PTPRT: variants seen among roughly 807,000 people sequenced by gnomAD.
PTPRT encodes protein tyrosine phosphatase receptor type T.
PTPRT carries 56 observed loss-of-function variants against 176.8 expected under a neutral mutation model. The observed-to-expected ratio is 0.32, with a 90% CI of 0.26 to 0.40. PTPRT has a LOEUF of 0.40. Ranked by LOEUF, PTPRT falls within the 10% of genes least tolerant of loss-of-function variation. PTPRT has a pLI of 1.00. For synonymous variants in PTPRT, 783 were observed against 739.0 expected, an observed-to-expected ratio of 1.06 and a Z score of -0.96; for missense variants, 1,540 against 1,908.2, an observed-to-expected ratio of 0.81 and a Z score of 3.60.
intron 1 of PTPRT, among the ~76,000 whole-genome samples, chr20:43,036,388 T>G (rs1406293326): frequency 1.3e-5 from 2 of 152,150 alleles, no homozygotes; most frequent in Admixed American, 1.3e-4. Context: ...TGCACCACTA[T>G]GCCCAGCTTT....
rs115785455 is a variant in PTPRT, at chr20:42,553,452, C to T, written c.1154-80890G>A. 7.4e-3 allele frequency among the ~76,000 whole-genome samples: 1,124 copies of T among 152,106 alleles called. 20 individuals carry two copies. Among genetic ancestry groups the T allele is most frequent in the African/African-American group, 0.026 (1,083 of 41,512 alleles). On this transcript the variant is annotated intron_variant, in intron 7 of 30. Coordinates refer to ENST00000373187, the MANE Select transcript of PTPRT (RefSeq NM_007050.6). ...TCTCTAAGCCATTTTTGCTTTTCCTCTCATGCATGCTGTCTTCCTTTCTCC... is the reference window on the plus strand; with the variant it reads ...TCTCTAAGCCATTTTTGCTTTTCCTTTCATGCATGCTGTCTTCCTTTCTCC...
intron 2 of PTPRT, among the ~76,000 whole-genome samples, chr20:42,854,124 C>T (rs1257588749): frequency 1.3e-5 from 2 of 152,166 alleles, no homozygotes; most frequent in African/African-American, 2.4e-5. Context: ...TCTCCTTATA[C>T]CCAGAGTGTT....
At chr20:42,873,420 T>C (rs540637146) in intron 2 of PTPRT, among the ~76,000 whole-genome samples, 9 of 152,354 alleles carry the variant, frequency 5.9e-5, no homozygotes, top group Non-Finnish European at 1.3e-4. Flanking sequence ...TGCTAGCTAT[T>C]ACTATTCTCA....
At position 42,173,967 on chromosome 20, in the gene PTPRT, C is replaced by T. The variant is rs532863978; in HGVS notation, c.2492-12425G>A. 5.3e-5 allele frequency among the ~76,000 whole-genome samples: 8 copies of T among 152,188 alleles called. No homozygotes were observed. In the East Asian group the frequency reaches 5.8e-4, roughly 11 times the overall value. On this transcript the variant is annotated intron_variant, in intron 16 of 30. Coordinates refer to ENST00000373187, the MANE Select transcript of PTPRT (RefSeq NM_007050.6). ...ACCCATAAATAGACATTGAAATATA[C>T]GCCTAAAGAATTTTATAAACTGATG...
intron 1 of PTPRT, among the ~76,000 whole-genome samples, chr20:43,188,202 C>G (rs937438603): frequency 6.6e-6 from 1 of 152,100 alleles, no homozygotes; most frequent in Non-Finnish European, 1.5e-5. Flanking sequence ...ACCTAACACA[C>G]CCCCCAAAAT....
At chr20:42,980,067 C>T (rs1983188774) in intron 1 of PTPRT, among the ~76,000 whole-genome samples, 1 of 151,928 alleles carries the variant, frequency 6.6e-6, no homozygotes, top group Non-Finnish European at 1.5e-5. Context: ...TTCTAAACTG[C>T]AAAACGTGGT....
intron 7 of PTPRT, among the ~76,000 whole-genome samples, chr20:42,645,796 G>GTGTGTGTT (rs1195411643): frequency 6.8e-5 from 10 of 147,144 alleles, no homozygotes; most frequent in African/African-American, 2.5e-4. Flanking sequence ...GTGTGTGTGT[G>GTGTGTGTT]TGTGTGTAGG....
At chr20:42,710,904 A>T (rs1196529432) in intron 6 of PTPRT, among the ~76,000 whole-genome samples, 1 of 152,230 alleles carries the variant, frequency 6.6e-6, no homozygotes. Flanking sequence ...CACCCCTTGC[A>T]CCAATGTGCC....
chr20:42,725,579 C>T (rs2076367085), intron 6 of PTPRT, among the ~76,000 whole-genome samples: 1 of 152,042 alleles, frequency 6.6e-6, no homozygotes, highest in Non-Finnish European at 1.5e-5. Context: ...GTGACATTTG[C>T]CTTCCAAGTC....
At chr20:42,863,659 T>C (rs575425241) in intron 2 of PTPRT, among the ~76,000 whole-genome samples, 1 of 152,308 alleles carries the variant, frequency 6.6e-6, no homozygotes, top group African/African-American at 2.4e-5. Flanking sequence ...AGCTCCTCAT[T>C]TCTTCTTCCT....
chr20:42,853,597 T>C (rs1347613234), intron 2 of PTPRT, among the ~76,000 whole-genome samples: 1 of 152,218 alleles, frequency 6.6e-6, no homozygotes, highest in Non-Finnish European at 1.5e-5. Context: ...TCTGCCCTTT[T>C]GTTCTATTCT....
intron 14 of PTPRT, among the ~76,000 whole-genome samples, chr20:42,241,047 G>A (rs1423151652): frequency 6.6e-6 from 1 of 152,214 alleles, no homozygotes; most frequent in Non-Finnish European, 1.5e-5. Flanking sequence ...GTGAGGCTCA[G>A]AGAGGTTAAG....
At chr20:42,624,005 C>CAAAAAAAAAAACAAACA (rs1159094345) in intron 7 of PTPRT, among the ~76,000 whole-genome samples, 9 of 135,754 alleles carry the variant, frequency 6.6e-5, no homozygotes, top group Admixed American at 1.4e-4. Context: ...AAAACAATAG[C>CAAAAAAAAAAACAAACA]AACAAACAAA....
chr20:42,104,122 G>A (rs1039749852), intron 25 of PTPRT, among the ~76,000 whole-genome samples: 4 of 152,148 alleles, frequency 2.6e-5, no homozygotes, highest in East Asian at 1.9e-4. Context: ...TTTGGAAGAC[G>A]TTTCGATCAT....
At chr20:42,500,909 G>A (rs1253390049) in intron 7 of PTPRT, among the ~76,000 whole-genome samples, 1 of 151,972 alleles carries the variant, frequency 6.6e-6, no homozygotes, top group Non-Finnish European at 1.5e-5. Flanking sequence ...AACCCTCATA[G>A]TCTCTCAATG....
At chr20:42,532,479 G>A (rs1382799151) in intron 7 of PTPRT, among the ~76,000 whole-genome samples, 1 of 152,106 alleles carries the variant, frequency 6.6e-6, no homozygotes, top group African/African-American at 2.4e-5. Context: ...ATAGTTCACT[G>A]CAGTCTTGAC....
At chr20:42,914,134 C>G (rs1978573366) in intron 1 of PTPRT, among the ~76,000 whole-genome samples, 1 of 152,148 alleles carries the variant, frequency 6.6e-6, no homozygotes, top group Non-Finnish European at 1.5e-5. Flanking sequence ...CTTGACAAAT[C>G]TCACAATCAA....
In PTPRT at chr20:42,609,615, C is replaced by T. The variant is rs115895736; in HGVS notation, c.1153+68251G>A. Among the ~76,000 whole-genome samples, 328 of 152,290 alleles carry T rather than the reference C, an allele frequency of 2.2e-3. 2 individuals are homozygous for T. The highest frequency in any genetic ancestry group is 0.02 in the Middle Eastern group (6 of 294). ...GGCTGCTATAGCAGCTGGGCTGCCT[C>T]GTTCTTTCTACCAAGATATGGAATC... On this transcript the variant is annotated intron_variant, in intron 7 of 30. Coordinates refer to ENST00000373187, the MANE Select transcript of PTPRT (RefSeq NM_007050.6).
the PTPRT span, among the ~76,000 whole-genome samples, chr20:42,048,813 T>TTTTTGTTTTGTTTTG: frequency 6.6e-6 from 1 of 152,144 alleles, no homozygotes; most frequent in Non-Finnish European, 1.5e-5. Flanking sequence ...TACTAAGTTT[T>TTTTTGTTTTGTTTTG]TTTTGTTTTG....
Sources: allele counts gnomAD v4.1 joint callset (sites outside exome capture counted in the v4.1 genomes callset), GRCh38; gene constraint gnomAD v4.1.1; transcripts MANE v1.5; gene names NCBI Gene and HGNC (gene_info 2026-07-23, HGNC 2026-07-21).